RPL27A: variants seen among roughly 807,000 people sequenced by gnomAD.
RPL27A encodes large ribosomal subunit protein uL15.
For synonymous variants in RPL27A, 69 were observed against 68.3 expected, an observed-to-expected ratio of 1.01 and a Z score of -0.05; for missense variants, 118 against 189.4, an observed-to-expected ratio of 0.62 and a Z score of 2.21.
At chr11:8,683,343 A>T in intron 2 of RPL27A, 78 bp downstream of exon 2, 1 of 1,295,368 alleles carries the variant, frequency 7.7e-7, no homozygotes, top group Non-Finnish European at 1.1e-6. Flanking sequence ...GGTAGCCTAT[A>T]AGTGGGTTAG....
rs1163980765 is a variant in RPL27A at position 8,687,527 on chromosome 11, C to G, written c.*1721C>G. The G allele has an allele frequency of 1.3e-5, 2 of 152,230 alleles. No individual in the cohort carries two copies. Among genetic ancestry groups the G allele is most frequent in the African/African-American group, 4.8e-5 (2 of 41,460 alleles). The allele number at this position is 152,230 out of a possible 1,614,324, so 9.4% of individuals were successfully genotyped here. On this transcript the variant is annotated 3_prime_UTR_variant, in exon 5 of 5. Coordinates refer to ENST00000314138, the MANE Select transcript of RPL27A (RefSeq NM_000990.5). ...AAAAGACTCAATATTTGGTCTTCAC[C>G]CAATACCTGTGTGACTTTTAGTCCT...
Position 8,686,779 on chromosome 11 carries a change from C to T in RPL27A, c.*973C>T, listed in dbSNP as rs2039591066. On this transcript the variant is annotated 3_prime_UTR_variant, in exon 5 of 5. Transcript: ENST00000314138. Reference sequence around the variant, plus strand: ...CTTGCTATTGGAAAACTGATGGTGACCAATTCATGTTTACAAATAAGATCC... The same window carrying T: ...CTTGCTATTGGAAAACTGATGGTGATCAATTCATGTTTACAAATAAGATCC... 1 of 151,960 alleles carries T rather than the reference C, an allele frequency of 6.6e-6. No homozygotes were observed. Among genetic ancestry groups the T allele is most frequent in the Admixed American group, 6.6e-5 (1 of 15,256 alleles). 9.4% of individuals were successfully genotyped at this position (151,960 alleles called of 1,614,324 possible). A position where few individuals can be genotyped will look rare whatever the true frequency, so the allele number is the denominator to read the frequency against.
rs75651224 is a variant in RPL27A at position 8,683,615 on chromosome 11, T to G, written c.67+350T>G. The G allele has an allele frequency of 8.0e-3, 3,913 of 489,828 alleles. 118 individuals carry two copies. The highest frequency in any genetic ancestry group is 0.066 in the African/African-American group (3,409 of 51,616). 30.3% of individuals were successfully genotyped at this position (489,828 alleles called of 1,614,324 possible). On this transcript the variant is annotated intron_variant, in intron 2 of 4. Transcript: ENST00000314138. ...GAACAGCGTAAGCGGGACACAGAAG[T>G]CTGGGAAACACTCTGCTTTTGTGCG...
intron 1 of RPL27A, 94 bp downstream of exon 1, chr11:8,682,910 C>A: frequency 2.1e-6 from 3 of 1,453,334 alleles, no homozygotes; most frequent in Non-Finnish European, 1.9e-6. Context: ...CTACCATGGT[C>A]GGGGCTTCCA....
chr11:8,685,881 C>T lies in RPL27A; in HGVS notation c.*75C>T. 1.4e-6 allele frequency: 2 copies of T among 1,448,184 alleles called. No homozygotes were observed. The highest frequency in any genetic ancestry group is 1.9e-6 in the Non-Finnish European group (2 of 1,046,932). 89.7% of individuals were successfully genotyped at this position (1,448,184 alleles called of 1,614,324 possible). A position where few individuals can be genotyped will look rare whatever the true frequency, so the allele number is the denominator to read the frequency against. ...TGTGAGTGTAGGTTCTTCAGTGGCA[C>T]CTCTACATCCTGTGTGCATTGGGAG... On this transcript the variant is annotated 3_prime_UTR_variant, in exon 5 of 5. Transcript: ENST00000314138.
At position 8,687,297 on chromosome 11, in the gene RPL27A, G is replaced by C. The variant is rs1449402909; in HGVS notation, c.*1491G>C. Reference sequence around the variant, plus strand: ...GCCTGTAATCCCAGCTACTTTGGAGGCTGAGCCAGGAGAATCTCCAGGAGG... The same window carrying C: ...GCCTGTAATCCCAGCTACTTTGGAGCCTGAGCCAGGAGAATCTCCAGGAGG... On this transcript the variant is annotated 3_prime_UTR_variant, in exon 5 of 5. Transcript: ENST00000314138. 6.6e-6 allele frequency: 1 copy of C among 152,124 alleles called. No individual in the cohort carries two copies. The highest frequency in any genetic ancestry group is 2.4e-5 in the African/African-American group (1 of 41,396). 9.4% of individuals were successfully genotyped at this position (152,124 alleles called of 1,614,324 possible). A position where few individuals can be genotyped will look rare whatever the true frequency, so the allele number is the denominator to read the frequency against.
rs556863224 is a variant in RPL27A, at chr11:8,687,945, T to C, written c.*2139T>C. On this transcript the variant is annotated 3_prime_UTR_variant, in exon 5 of 5. Transcript: ENST00000314138. ...CAGGCACTTAATTTTTGTGTTTGAC[T>C]TAGTAACTTAAGTGCAAACTATTAC... 1 of 147,080 alleles carries C rather than the reference T, an allele frequency of 6.8e-6. No homozygotes were observed. The highest frequency in any genetic ancestry group is 2.4e-5 in the African/African-American group (1 of 40,892). 9.1% of individuals were successfully genotyped at this position (147,080 alleles called of 1,614,324 possible). A position where few individuals can be genotyped will look rare whatever the true frequency, so the allele number is the denominator to read the frequency against.
At chr11:8,684,501 G>C in intron 3 of RPL27A, 2 of 671,118 alleles carry the variant, frequency 3.0e-6, no homozygotes, top group South Asian at 3.4e-5. Flanking sequence ...ATTGTCGGTG[G>C]TTTATCCTGG....
intron 1 of RPL27A, 90 bp from the exon 2 acceptor site, chr11:8,683,112 A>C (rs2039520541): frequency 7.4e-7 from 1 of 1,353,066 alleles, no homozygotes; most frequent in South Asian, 1.2e-5. Context: ...TAGGTCTTTG[A>C]CCCACAGGCT....
At chr11:8,683,381 A>T (rs1592234843) in intron 2 of RPL27A, 116 bp downstream of exon 2, 1 of 826,738 alleles carries the variant, frequency 1.2e-6, no homozygotes, top group East Asian at 2.5e-5. Flanking sequence ...GTCAAGTTGC[A>T]CAGCTGTTGA....
intron 1 of RPL27A, 190 bp downstream of exon 1, chr11:8,683,006 G>C: frequency 4.6e-6 from 4 of 875,400 alleles, no homozygotes; most frequent in Non-Finnish European, 7.1e-6. Flanking sequence ...CCCGCGGTTC[G>C]GATCTCTAGG....
intron 1 of RPL27A, 30 bp downstream of exon 1, chr11:8,682,846 C>T (rs375898901): frequency 5.0e-6 from 8 of 1,607,326 alleles, no homozygotes; most frequent in Non-Finnish European, 6.8e-6. Flanking sequence ...CCTCCTCTTC[C>T]TTGCCGGCGG....
chr11:8,689,166 G>C lies in RPL27A; in HGVS notation c.*3360G>C, dbSNP rs2039615551. 6.6e-6 allele frequency: 1 copy of C among 152,270 alleles called. No individual in the cohort carries two copies. The highest frequency in any genetic ancestry group is 2.4e-5 in the African/African-American group (1 of 41,468). The allele number at this position is 152,270 out of a possible 1,614,324, so 9.4% of individuals were successfully genotyped here. A position where few individuals can be genotyped will look rare whatever the true frequency, so the allele number is the denominator to read the frequency against. On this transcript the variant is annotated 3_prime_UTR_variant, in exon 5 of 5. Transcript: ENST00000314138. ...CACCCCTGGTCCTTGGGCGGCCGTG[G>C]GTCCCCTTCGAAGCGGAGGAATGGC...
At chr11:8,685,156 T>C in intron 4 of RPL27A, 1 of 528,494 alleles carries the variant, frequency 1.9e-6, no homozygotes, top group Non-Finnish European at 3.4e-6. Context: ...CTCCAGATAA[T>C]AGAATCCTAA....
At chr11:8,685,318 G>A (rs1048584381) in intron 4 of RPL27A, 4 of 512,896 alleles carry the variant, frequency 7.8e-6, no homozygotes, top group African/African-American at 7.6e-5. Flanking sequence ...AGAACCCTAG[G>A]GACGCTTTAA....
chr11:8,685,137 C>T (rs2039574234), intron 4 of RPL27A: 1 of 556,786 alleles, frequency 1.8e-6, no homozygotes, highest in Non-Finnish European at 3.2e-6. Context: ...GCTCTTGGCC[C>T]TTCATGTTCT....
intron 2 of RPL27A, 170 bp downstream of exon 2, chr11:8,683,435 C>G (rs1482017205): frequency 9.6e-6 from 6 of 625,956 alleles, no homozygotes; most frequent in Non-Finnish European, 1.7e-5. Flanking sequence ...TAAGGAATTT[C>G]ACATCAGTGG....
rs138213023 is a variant in RPL27A at position 8,688,081 on chromosome 11, G to A, written c.*2275G>A. On this transcript the variant is annotated 3_prime_UTR_variant, in exon 5 of 5. Transcript: ENST00000314138. ...TTTGGGAAGGTTAGGCAAACGGGAAGTGCTATGGTGGAGAGAAAGATTACT... is the reference window on the plus strand; with the variant it reads ...TTTGGGAAGGTTAGGCAAACGGGAAATGCTATGGTGGAGAGAAAGATTACT... The A allele has an allele frequency of 3.6e-3, 549 of 152,412 alleles. 5 individuals are homozygous for A. Among genetic ancestry groups the A allele is most frequent in the South Asian group, 0.029 (142 of 4,832 alleles). 9.4% of individuals were successfully genotyped at this position (152,412 alleles called of 1,614,324 possible). A position where few individuals can be genotyped will look rare whatever the true frequency, so the allele number is the denominator to read the frequency against.
rs1481968712 is a variant in RPL27A, at chr11:8,688,375, T to G, written c.*2569T>G. 6.6e-6 allele frequency: 1 copy of G among 152,198 alleles called. No homozygotes were observed. The highest frequency in any genetic ancestry group is 6.5e-5 in the Admixed American group (1 of 15,270). 9.4% of individuals were successfully genotyped at this position (152,198 alleles called of 1,614,324 possible). A position where few individuals can be genotyped will look rare whatever the true frequency, so the allele number is the denominator to read the frequency against. ...GGGAAAGAAACACTGATTTCGTTGC[T>G]GGCTTGTTCACTCACCAGAAGCTAC... On this transcript the variant is annotated 3_prime_UTR_variant, in exon 5 of 5. Transcript: ENST00000314138.
Sources: gnomAD v4.1 joint callset for allele counts on GRCh38, gnomAD v4.1.1 for gene constraint, MANE v1.5 for transcripts, NCBI Gene and HGNC (gene_info 2026-07-23, HGNC 2026-07-21) for gene names.